The following SH3BGRL2 variants were observed in gnomAD, a reference collection of about 807,000 sequenced individuals.
SH3BGRL2 encodes the protein SH3 domain-binding glutamic acid-rich-like protein 2.
SH3BGRL2 carries 21 observed loss-of-function variants against 14.8 expected under a neutral mutation model. That is an observed-to-expected ratio of 1.42 (90% CI 1.01 to 2.05). The LOEUF (loss-of-function observed/expected upper bound fraction) is 2.05, where lower values mean the gene tolerates loss of function less well. SH3BGRL2 is among the 30% of genes most tolerant of loss of function. SH3BGRL2 has a pLI of 0.00. For missense variants in SH3BGRL2, 147 were observed against 130.8 expected, an observed-to-expected ratio of 1.12 and a Z score of -0.61; for synonymous variants, 50 against 47.8, an observed-to-expected ratio of 1.05 and a Z score of -0.19.
intron 1 of SH3BGRL2, among the ~76,000 whole-genome samples, chr6:79,647,048 A>G (rs1485544959): frequency 6.6e-6 from 1 of 152,212 alleles, no homozygotes; most frequent in Non-Finnish European, 1.5e-5. Context: ...TCTCTTGGGC[A>G]TATACCTAGG....
At chr6:79,677,608 T>A (rs1769910622) in intron 2 of SH3BGRL2, among the ~76,000 whole-genome samples, 1 of 152,086 alleles carries the variant, frequency 6.6e-6, no homozygotes, top group Non-Finnish European at 1.5e-5. Context: ...GTGACATGAG[T>A]GTATTCTTGG....
chr6:79,563,404 G>A, the SH3BGRL2 span, among the ~76,000 whole-genome samples: 1 of 151,960 alleles, frequency 6.6e-6, no homozygotes, highest in Non-Finnish European at 1.5e-5. Flanking sequence ...GAGCCACAGC[G>A]CCCCGCCTAG....
chr6:79,577,823 C>A, the SH3BGRL2 span, among the ~76,000 whole-genome samples: 2 of 152,326 alleles, frequency 1.3e-5, no homozygotes, highest in South Asian at 4.1e-4. Flanking sequence ...CGGGGCATCA[C>A]CTCACCCGGG....
At chr6:79,656,392 ATCTT>A (rs1414811342) in intron 1 of SH3BGRL2, among the ~76,000 whole-genome samples, 1 of 152,184 alleles carries the variant, frequency 6.6e-6, no homozygotes, top group Admixed American at 6.5e-5. Context: ...ATGTGAGTAA[ATCTT>A]AGTCACCCAT....
intron 2 of SH3BGRL2, among the ~76,000 whole-genome samples, chr6:79,691,173 C>T (rs995203557): frequency 1.3e-5 from 2 of 151,968 alleles, no homozygotes; most frequent in Non-Finnish European, 2.9e-5. Context: ...AAAAAAGATC[C>T]TTCTTCTCCC....
At chr6:79,589,006 A>G in the SH3BGRL2 span, among the ~76,000 whole-genome samples, 13 of 152,126 alleles carry the variant, frequency 8.5e-5, no homozygotes, top group Non-Finnish European at 1.9e-4. Context: ...AAATCCAAGG[A>G]TATTCAAGTT....
chr6:79,538,495 C>G, the SH3BGRL2 span, among the ~76,000 whole-genome samples: 1 of 152,156 alleles, frequency 6.6e-6, no homozygotes, highest in South Asian at 2.1e-4. Flanking sequence ...TACATCTGTA[C>G]AAGATGGCAG....
At chr6:79,637,230 G>A (rs1339510166) in intron 1 of SH3BGRL2, among the ~76,000 whole-genome samples, 1 of 152,030 alleles carries the variant, frequency 6.6e-6, no homozygotes, top group Non-Finnish European at 1.5e-5. Flanking sequence ...GATTTGATGT[G>A]CTTTTAATCC....
the SH3BGRL2 span, among the ~76,000 whole-genome samples, chr6:79,623,797 G>GC: frequency 6.6e-6 from 1 of 152,042 alleles, no homozygotes; most frequent in Non-Finnish European, 1.5e-5. Flanking sequence ...CATTCAGTAG[G>GC]CCCCTCAAAA....
intron 1 of SH3BGRL2, among the ~76,000 whole-genome samples, chr6:79,653,118 C>A (rs1043913082): frequency 2.6e-5 from 4 of 152,156 alleles, no homozygotes; most frequent in Non-Finnish European, 4.4e-5. Flanking sequence ...ACATGAAGGT[C>A]ATTTTGTCAA....
chr6:79,688,543 G>A (rs1337302870), intron 2 of SH3BGRL2, among the ~76,000 whole-genome samples: 1 of 152,150 alleles, frequency 6.6e-6, no homozygotes, highest in Non-Finnish European at 1.5e-5. Context: ...CTACAGATGT[G>A]TATTTACAAA....
chr6:79,696,730 A>C (rs927542211), intron 3 of SH3BGRL2, among the ~76,000 whole-genome samples, 165 bp downstream of exon 3: 1 of 152,100 alleles, frequency 6.6e-6, no homozygotes, highest in African/African-American at 2.4e-5. Flanking sequence ...AAAACATACA[A>C]CAGAGGCTAG....
intron 1 of SH3BGRL2, among the ~76,000 whole-genome samples, chr6:79,641,832 A>C (rs1000552952): frequency 6.6e-6 from 1 of 152,212 alleles, no homozygotes; most frequent in Non-Finnish European, 1.5e-5. Flanking sequence ...CATACTACTT[A>C]CTAGGCTGAG....
At chr6:79,649,221 A>G (rs1769230933) in intron 1 of SH3BGRL2, among the ~76,000 whole-genome samples, 1 of 152,214 alleles carries the variant, frequency 6.6e-6, no homozygotes, top group South Asian at 2.1e-4. Flanking sequence ...GTGAAACAGC[A>G]GACTTACATT....
chr6:79,583,660 T>C, the SH3BGRL2 span, among the ~76,000 whole-genome samples: 1 of 152,150 alleles, frequency 6.6e-6, no homozygotes, highest in African/African-American at 2.4e-5. Context: ...AGGGGTAGCA[T>C]TAGGAGAAAT....
intron 2 of SH3BGRL2, among the ~76,000 whole-genome samples, chr6:79,683,874 T>A (rs1390660619): frequency 6.6e-6 from 1 of 152,218 alleles, no homozygotes; most frequent in Non-Finnish European, 1.5e-5. Context: ...ATTGGCTGTT[T>A]CCCAGGTCTC....
chr6:79,639,036 T>C lies in SH3BGRL2; in HGVS notation c.45+7530T>C, dbSNP rs1396479550. 2.0e-5 allele frequency among the ~76,000 whole-genome samples: 3 copies of C among 152,296 alleles called. No homozygotes were observed. In the East Asian group the frequency reaches 5.8e-4, roughly 29 times the overall value. On this transcript the variant is annotated intron_variant, in intron 1 of 3. Transcript: ENST00000369838. ...TTTTTCAATTTTTAAAAATCAAAAA[T>C]TGAAAAGGAAAAGAGCTATTGATGG...
the SH3BGRL2 span, chr6:79,573,815 G>C: frequency 6.6e-6 from 1 of 151,970 alleles, no homozygotes; most frequent in Non-Finnish European, 1.5e-5. Flanking sequence ...CTTGCTGAAT[G>C]TATTACTATG....
At chr6:79,655,653 A>G (rs1769395088) in intron 1 of SH3BGRL2, among the ~76,000 whole-genome samples, 1 of 152,136 alleles carries the variant, frequency 6.6e-6, no homozygotes, top group Admixed American at 6.5e-5. Flanking sequence ...ATGGTCACCT[A>G]TTCTAGACAT....
Sources: gnomAD v4.1 joint callset for allele counts (sites outside exome capture counted in the v4.1 genomes callset) on GRCh38, gnomAD v4.1.1 for gene constraint, MANE v1.5 for transcripts, NCBI Gene and HGNC (gene_info 2026-07-23, HGNC 2026-07-21) for gene names.